The following RFX7 variants were observed in gnomAD, a reference collection of about 807,000 sequenced individuals.
The protein encoded by RFX7 is DNA-binding protein RFX7.
In RFX7, 26 loss-of-function variants were observed where a neutral mutation model predicts 111.8. The ratio of observed to expected loss-of-function variants is 0.23; its 90% CI spans 0.17 to 0.32. RFX7 has a LOEUF of 0.32. Among genes scored for constraint, RFX7 ranks in the 10% least tolerant of loss-of-function variants. RFX7 has a pLI of 1.00. For missense variants in RFX7, 1,573 were observed against 1,772.9 expected (o/e 0.89, Z 2.02); for synonymous variants, 624 against 624.4 (o/e 1.00, Z 0.01).
chr15:56,112,663 G>C (rs1261909951), intron 5 of RFX7, among the ~76,000 whole-genome samples: 1 of 152,114 alleles, frequency 6.6e-6, no homozygotes. Flanking sequence ...CTGGGATCTA[G>C]TTAAACTAAA....
chr15:56,235,282 T>C (rs1358894841), intron 2 of RFX7, among the ~76,000 whole-genome samples: 1 of 151,846 alleles, frequency 6.6e-6, no homozygotes, highest in Non-Finnish European at 1.5e-5. Context: ...TTCAAGCGAT[T>C]CTCCTGCCTC....
intron 5 of RFX7, among the ~76,000 whole-genome samples, chr15:56,114,575 GGATCA>G (rs2041983319): frequency 6.6e-6 from 1 of 151,972 alleles, no homozygotes; most frequent in Non-Finnish European, 1.5e-5. Context: ...TCTTAGACTA[GGATCA>G]TACTAATATA....
chr15:56,196,486 T>C (rs1483783612), intron 2 of RFX7, among the ~76,000 whole-genome samples: 1 of 152,106 alleles, frequency 6.6e-6, no homozygotes, highest in Non-Finnish European at 1.5e-5. Flanking sequence ...TAGAAGTTTA[T>C]CTATTTTGAT....
intron 5 of RFX7, among the ~76,000 whole-genome samples, chr15:56,141,142 G>T (rs1292821929): frequency 6.6e-6 from 1 of 152,072 alleles, no homozygotes; most frequent in African/African-American, 2.4e-5. Flanking sequence ...AGAGCTAAAA[G>T]AAACCTCAGT....
At chr15:56,230,574 T>C (rs1312376050) in intron 2 of RFX7, among the ~76,000 whole-genome samples, 1 of 152,192 alleles carries the variant, frequency 6.6e-6, no homozygotes, top group African/African-American at 2.4e-5. Flanking sequence ...CAAAAAAAGA[T>C]ATTCACTAGT....
intron 5 of RFX7, among the ~76,000 whole-genome samples, chr15:56,141,409 C>G (rs1178779284): frequency 1.3e-5 from 2 of 151,726 alleles, no homozygotes; most frequent in Non-Finnish European, 2.9e-5. Flanking sequence ...AAAGAAACCT[C>G]ATACATCTTC....
At chr15:56,099,972 C>T (rs1317288566) in intron 8 of RFX7, among the ~76,000 whole-genome samples, 1 of 152,168 alleles carries the variant, frequency 6.6e-6, no homozygotes, top group African/African-American at 2.4e-5. Context: ...CATGATACCT[C>T]CTAAATCCTT....
At chr15:56,243,352 G>A in intron 1 of RFX7, 65 bp from the exon 2 acceptor site, 1 of 923,368 alleles carries the variant, frequency 1.1e-6, no homozygotes, top group African/African-American at 1.8e-5. Context: ...GGAAGAGACC[G>A]GGAGGGGAGG....
intron 2 of RFX7, among the ~76,000 whole-genome samples, chr15:56,204,539 A>G (rs2043231369): frequency 6.6e-6 from 1 of 152,230 alleles, no homozygotes; most frequent in Non-Finnish European, 1.5e-5. Context: ...TTTGTAAGCA[A>G]TATGAGAATA....
chr15:56,180,749 A>G (rs1357121151), intron 2 of RFX7, among the ~76,000 whole-genome samples: 2 of 127,258 alleles, frequency 1.6e-5, no homozygotes, highest in Non-Finnish European at 3.3e-5. Context: ...CTACTAAAAT[A>G]CAAAAAAAAA....
intron 5 of RFX7, among the ~76,000 whole-genome samples, chr15:56,114,465 GAAA>G (rs1233701675): frequency 2.7e-5 from 4 of 147,218 alleles, no homozygotes; most frequent in African/African-American, 1.0e-4. Context: ...AAAAGGAAAA[GAAA>G]AAGAAAAAAG....
rs1353614488 is a variant in RFX7, at chr15:56,093,334, T to C, written c.*11A>G. On this transcript the variant is annotated 3_prime_UTR_variant, in exon 10 of 10. Coordinates refer to ENST00000559447, the MANE Select transcript of RFX7 (RefSeq NM_022841.7). ...TTTAGATACAGTGTGCTACATGTTATAAAACACAATTTAACCCAACATTTC... is the reference window on the plus strand; with the variant it reads ...TTTAGATACAGTGTGCTACATGTTACAAAACACAATTTAACCCAACATTTC... 3 of 1,591,634 alleles carry C rather than the reference T, an allele frequency of 1.9e-6. No homozygotes were observed. The highest frequency in any genetic ancestry group is 1.3e-5 in the African/African-American group (1 of 74,624).
chr15:56,231,127 G>T (rs1027723523), intron 2 of RFX7, among the ~76,000 whole-genome samples: 2 of 152,204 alleles, frequency 1.3e-5, no homozygotes, highest in African/African-American at 2.4e-5. Flanking sequence ...TTGAATGCTG[G>T]TGAATAGCAA....
intron 3 of RFX7, among the ~76,000 whole-genome samples, chr15:56,167,366 G>T (rs796783803): frequency 6.6e-6 from 1 of 152,044 alleles, no homozygotes; most frequent in Admixed American, 6.6e-5. Context: ...ATACCTCTCC[G>T]ATAGACCAAC....
At chr15:56,121,647 G>A (rs2042080268) in intron 5 of RFX7, among the ~76,000 whole-genome samples, 1 of 151,966 alleles carries the variant, frequency 6.6e-6, no homozygotes, top group Non-Finnish European at 1.5e-5. Context: ...TCCTCTTTAA[G>A]GCCAATAGCT....
intron 2 of RFX7, among the ~76,000 whole-genome samples, chr15:56,224,494 T>TGTGC (rs1182198330): frequency 1.3e-5 from 2 of 151,634 alleles, no homozygotes; most frequent in Non-Finnish European, 2.9e-5. Flanking sequence ...TGTGTGTGTG[T>TGTGC]GCAGTTCTCT....
chr15:56,097,061 A>G (rs1405034083), intron 9 of RFX7, among the ~76,000 whole-genome samples: 1 of 152,240 alleles, frequency 6.6e-6, no homozygotes, highest in Non-Finnish European at 1.5e-5. Context: ...ACCACTGCAA[A>G]TAAGATACAA....
chr15:56,161,113 G>GA (rs1427633003), intron 3 of RFX7, among the ~76,000 whole-genome samples: 7 of 152,052 alleles, frequency 4.6e-5, no homozygotes, highest in African/African-American at 1.7e-4. Flanking sequence ...GAGTCAATTT[G>GA]AAAGACATCA....
At chr15:56,196,593 C>A (rs1342166030) in intron 2 of RFX7, among the ~76,000 whole-genome samples, 1 of 151,978 alleles carries the variant, frequency 6.6e-6, no homozygotes, top group African/African-American at 2.4e-5. Context: ...GCCCTAACCC[C>A]CAAGTGCTGT....
Sources: allele counts gnomAD v4.1 joint callset (sites outside exome capture counted in the v4.1 genomes callset), GRCh38; gene constraint gnomAD v4.1.1; transcripts MANE v1.5; gene names NCBI Gene and HGNC (gene_info 2026-07-23, HGNC 2026-07-21).